RHOT1: variants seen among roughly 807,000 people sequenced by gnomAD.
RHOT1 encodes mitochondrial Rho GTPase 1.
RHOT1 carries 27 observed loss-of-function variants against 95.3 expected under a neutral mutation model. The observed-to-expected ratio is 0.28, with a 90% confidence interval of 0.21 to 0.39. The LOEUF (loss-of-function observed/expected upper bound fraction) is 0.39. RHOT1 is among the 10% of genes least tolerant of loss of function. The probability of loss-of-function intolerance (pLI) is 1.00; values close to 1 mark genes in which losing one functional copy is unlikely to be tolerated. For synonymous variants in RHOT1, 227 were observed against 263.5 expected, an observed-to-expected ratio of 0.86 and a Z score of 1.34; for missense variants, 578 against 786.7, an observed-to-expected ratio of 0.73 and a Z score of 3.17.
chr17:32,209,350 A>G, intron 18 of RHOT1: 1 of 1,582,436 alleles, frequency 6.3e-7, no homozygotes, highest in South Asian at 1.1e-5. Context: ...TTATCTACAG[A>G]GAGGATCATT....
intron 1 of RHOT1, among the ~76,000 whole-genome samples, chr17:32,152,105 ATAACT>A (rs1444084690): frequency 6.6e-6 from 1 of 152,240 alleles, no homozygotes; most frequent in Non-Finnish European, 1.5e-5. Flanking sequence ...ACTGATACAA[ATAACT>A]TAAACAGAAT....
intron 1 of RHOT1, chr17:32,151,380 C>A: frequency 3.2e-6 from 2 of 619,182 alleles, no homozygotes; most frequent in South Asian, 3.2e-5. Flanking sequence ...CCACTGCACT[C>A]CAGTTTGGAT....
At chr17:32,168,241 G>GCA (rs140835442) in intron 1 of RHOT1, among the ~76,000 whole-genome samples, 1,570 of 150,752 alleles carry the variant, frequency 0.01, 30 homozygotes, top group African/African-American at 0.035. Flanking sequence ...GTTATGTCAT[G>GCA]CACACACACA....
chr17:32,158,067 G>A (rs920995344), intron 1 of RHOT1, among the ~76,000 whole-genome samples: 4 of 152,134 alleles, frequency 2.6e-5, no homozygotes, highest in Non-Finnish European at 4.4e-5. Flanking sequence ...CATTGCCCAG[G>A]CTGGTCTCAA....
chr17:32,211,312 A>T (rs2038119011), intron 19 of RHOT1, 74 bp downstream of exon 19: 1 of 1,372,480 alleles, frequency 7.3e-7, no homozygotes. Flanking sequence ...ACTATTTATT[A>T]TACAGATACT....
chr17:32,170,314 C>T (rs1440796761), intron 1 of RHOT1, among the ~76,000 whole-genome samples: 1 of 151,948 alleles, frequency 6.6e-6, no homozygotes, highest in African/African-American at 2.4e-5. Flanking sequence ...ACTTTGGAGG[C>T]TAAGGCACGA....
chr17:32,160,390 A>G (rs2033422504), intron 1 of RHOT1: 1 of 148,644 alleles, frequency 6.7e-6, no homozygotes, highest in Non-Finnish European at 1.5e-5. Flanking sequence ...CTTGTCTGTT[A>G]CCTCATTCTT....
At chr17:32,212,588 C>T (rs976509499) in intron 19 of RHOT1, among the ~76,000 whole-genome samples, 3 of 152,198 alleles carry the variant, frequency 2.0e-5, no homozygotes, top group African/African-American at 7.2e-5. Flanking sequence ...TGTTAGAATG[C>T]CTTCCTGCAA....
At chr17:32,208,045 TTTAA>T (rs1238699401) in intron 17 of RHOT1, 58 bp from the exon 18 acceptor site, 22 of 1,454,002 alleles carry the variant, frequency 1.5e-5, no homozygotes, top group Non-Finnish European at 2.0e-5. Context: ...TTGGTTCACA[TTTAA>T]TTAAATAGTA....
intron 1 of RHOT1, among the ~76,000 whole-genome samples, chr17:32,163,647 T>C (rs1322019894): frequency 1.3e-5 from 2 of 151,190 alleles, no homozygotes; most frequent in Non-Finnish European, 2.9e-5. Flanking sequence ...GGAGAATCAC[T>C]ATAATCTGGG....
At chr17:32,217,454 A>C (rs1176683704) in intron 19 of RHOT1, among the ~76,000 whole-genome samples, 2 of 152,146 alleles carry the variant, frequency 1.3e-5, no homozygotes, top group African/African-American at 4.8e-5. Context: ...CATTATTTTT[A>C]AAAGTAGATA....
intron 14 of RHOT1, 83 bp downstream of exon 14, chr17:32,201,139 C>CGGCG: frequency 1.3e-6 from 1 of 741,570 alleles, no homozygotes; most frequent in Non-Finnish European, 2.2e-6. Flanking sequence ...AGTAAGAATA[C>CGGCG]ACTCATCTTC....
chr17:32,192,641 C>G lies in RHOT1; in HGVS notation c.639+342C>G, dbSNP rs181459540. The stretch of plus-strand genomic sequence containing the variant: ...AGGATGGAGGGAGTTGGGAATGTTT[C>G]TTTCTAAGAATGACATGTTTTACTT... On this transcript the variant is annotated intron_variant, in intron 9 of 19. Transcript: ENST00000545287. Among the ~76,000 whole-genome samples the G allele has an allele frequency of 8.7e-5, 12 of 138,282 alleles. No individual in the cohort carries two copies. The East Asian group carries it at 2.3e-3, about 26-fold the overall frequency. 90.7% of individuals were successfully genotyped at this position (138,282 alleles called of 152,430 possible). A position where few individuals can be genotyped will look rare whatever the true frequency, so the allele number is the denominator to read the frequency against.
intron 1 of RHOT1, among the ~76,000 whole-genome samples, chr17:32,151,811 G>A (rs1361668133): frequency 6.6e-6 from 1 of 151,538 alleles, no homozygotes; most frequent in Non-Finnish European, 1.5e-5. Flanking sequence ...GAACCCGGGA[G>A]GCGGAGGTTG....
intron 16 of RHOT1, among the ~76,000 whole-genome samples, chr17:32,205,044 T>G (rs1282972974): frequency 6.6e-6 from 1 of 151,168 alleles, no homozygotes; most frequent in Non-Finnish European, 1.5e-5. Flanking sequence ...TTCTATTTTT[T>G]TTTTTTTAAA....
chr17:32,148,190 G>A (rs540768208), intron 1 of RHOT1, among the ~76,000 whole-genome samples: 21 of 152,088 alleles, frequency 1.4e-4, no homozygotes, highest in African/African-American at 5.1e-4. Context: ...GCATGAATCC[G>A]GGAGGCGGAG....
At chr17:32,144,617 G>T (rs1411067561) in intron 1 of RHOT1, among the ~76,000 whole-genome samples, 1 of 152,062 alleles carries the variant, frequency 6.6e-6, no homozygotes, top group Non-Finnish European at 1.5e-5. Context: ...GGAGGCTGAG[G>T]CAGGAGGATC....
At chr17:32,146,335 A>G (rs542024658) in intron 1 of RHOT1, among the ~76,000 whole-genome samples, 9 of 152,332 alleles carry the variant, frequency 5.9e-5, no homozygotes, top group African/African-American at 1.9e-4. Context: ...ATTTCTTAAA[A>G]GAATGAATGA....
chr17:32,180,989 G>A (rs929546373), intron 6 of RHOT1, among the ~76,000 whole-genome samples: 1 of 152,178 alleles, frequency 6.6e-6, no homozygotes, highest in African/African-American at 2.4e-5. Flanking sequence ...CACACCTTTG[G>A]TTACAAACCA....
Sources: allele counts gnomAD v4.1 joint callset (sites outside exome capture counted in the v4.1 genomes callset), GRCh38; gene constraint gnomAD v4.1.1; transcripts MANE v1.5; gene names NCBI Gene and HGNC (gene_info 2026-07-23, HGNC 2026-07-21).